Variants in DNAJC2 observed in about 807,000 individuals in gnomAD.
DNAJC2 encodes the protein DnaJ heat shock protein family (Hsp40) member C2, also known as dnaJ homolog subfamily C member 2.
DNAJC2 carries 32 observed loss-of-function variants against 94.0 expected under a neutral mutation model. That is an observed-to-expected ratio of 0.34 (90% CI 0.26 to 0.46). The LOEUF (loss-of-function observed/expected upper bound fraction) is 0.46. Ranked by LOEUF, DNAJC2 falls within the 20% of genes least tolerant of loss-of-function variation. DNAJC2 has a pLI of 1.00. For missense variants in DNAJC2, 550 were observed against 719.5 expected (o/e 0.76, Z 2.69); for synonymous variants, 210 against 229.7 (o/e 0.91, Z 0.77).
At chr7:103,339,936 T>A (rs1017689135) in intron 2 of DNAJC2, among the ~76,000 whole-genome samples, 13 of 152,182 alleles carry the variant, frequency 8.5e-5, no homozygotes, top group Admixed American at 3.9e-4. Context: ...CCTCCTGAGT[T>A]GAAGTGATTC....
intron 3 of DNAJC2, among the ~76,000 whole-genome samples, chr7:103,332,676 G>A (rs1231808967): frequency 1.3e-5 from 2 of 151,712 alleles, no homozygotes; most frequent in Non-Finnish European, 2.9e-5. Flanking sequence ...ATTGCTCAGG[G>A]TGGAGTGCAG....
intron 5 of DNAJC2, 145 bp from the exon 6 acceptor site, chr7:103,324,707 C>G: frequency 2.4e-6 from 2 of 828,904 alleles, no homozygotes. Context: ...GAAGATGGAG[C>G]TGGAAGGTCA....
At chr7:103,325,392 G>C (rs541898394) in intron 5 of DNAJC2, among the ~76,000 whole-genome samples, 1 of 151,862 alleles carries the variant, frequency 6.6e-6, no homozygotes, top group Admixed American at 6.6e-5. Flanking sequence ...AGCCGAGATT[G>C]TGCCACTGCA....
intron 1 of DNAJC2, among the ~76,000 whole-genome samples, 162 bp from the exon 2 acceptor site, chr7:103,342,116 G>A (rs539908455): frequency 1.3e-5 from 2 of 152,248 alleles, no homozygotes; most frequent in African/African-American, 4.8e-5. Context: ...GTTTACATGA[G>A]GGTTAGCAAG....
chr7:103,328,974 G>C, intron 3 of DNAJC2: 2 of 1,274,740 alleles, frequency 1.6e-6, no homozygotes, highest in Non-Finnish European at 2.0e-6. Flanking sequence ...AATGGAACAA[G>C]TTATTTTCCA....
chr7:103,330,292 A>T (rs544962389), intron 3 of DNAJC2, among the ~76,000 whole-genome samples: 10 of 148,010 alleles, frequency 6.8e-5, no homozygotes, highest in Admixed American at 4.1e-4. Flanking sequence ...TTGTTATTTT[A>T]TTTTTTTTTT....
chr7:103,315,761 T>C lies in DNAJC2; in HGVS notation c.1636+3A>G. ...TTTCTACGTTTAGAAAAGCAAAATT[T>C]ACCTTCAAATCGTTCTGAAGGCGTT... On this transcript the variant is annotated splice_donor_region_variant and intron_variant, in intron 15 of 16. Coordinates refer to ENST00000379263, the MANE Select transcript of DNAJC2 (RefSeq NM_014377.3). The C allele has an allele frequency of 6.2e-7, 1 of 1,610,986 alleles. No homozygotes were observed.
In DNAJC2 at chr7:103,322,703, C is replaced by G; in HGVS notation, c.811G>C (p.Asp271His). ...EEMNRIRTLV[D>H]NAYSCDPRIK... The stretch of plus-strand genomic sequence containing the variant: ...GGGGACTTAAATCAATTCTACTTAC[C>G]AACTAATGTTCTTATTCTGTTCATT... Residue 271 changes from aspartate to histidine, a missense_variant and splice_region_variant, in exon 8 of 17, where the codon GAC becomes CAC. Physicochemically the swap from Asp to His is moderately conservative, Grantham distance 81 (BLOSUM62 -1). Around this residue, in one of 2 missense-constraint regions of DNAJC2, gnomAD observed 279 missense variants for 416.9 expected, o/e 0.67. Transcript: ENST00000379263. 5 of 1,612,484 alleles carry G rather than the reference C, an allele frequency of 3.1e-6. No individual in the cohort carries two copies. The highest frequency in any genetic ancestry group is 4.2e-6 in the Non-Finnish European group (5 of 1,179,682).
At chr7:103,316,332 A>G in intron 13 of DNAJC2, 2 of 322,150 alleles carry the variant, frequency 6.2e-6, no homozygotes, top group Non-Finnish European at 5.6e-6. Context: ...TGGTGTACAA[A>G]TCAACATAAA....
chr7:103,319,730 C>T (rs753697535), intron 11 of DNAJC2, 26 bp downstream of exon 11: 1 of 1,614,064 alleles, frequency 6.2e-7, no homozygotes, highest in Non-Finnish European at 8.5e-7. Context: ...CAAGTGAAGA[C>T]TTCAATAGCA....
chr7:103,322,484 G>T, intron 9 of DNAJC2, 27 bp downstream of exon 9: 1 of 1,424,260 alleles, frequency 7.0e-7, no homozygotes, highest in South Asian at 1.3e-5. Context: ...AACATTTAAA[G>T]TCCACCTTCA....
At chr7:103,342,712 G>A (rs1819427602) in intron 1 of DNAJC2, among the ~76,000 whole-genome samples, 1 of 151,282 alleles carries the variant, frequency 6.6e-6, no homozygotes, top group African/African-American at 2.4e-5. Flanking sequence ...GGGTTCAAGC[G>A]ATTCTCCTGC....
At chr7:103,327,330 A>G in intron 4 of DNAJC2, 1 of 1,282,078 alleles carries the variant, frequency 7.8e-7, no homozygotes, top group Non-Finnish European at 1.0e-6. Context: ...TAGAACACTT[A>G]CATGAATTAA....
intron 1 of DNAJC2, chr7:103,344,244 G>T: frequency 2.5e-6 from 1 of 393,358 alleles, no homozygotes; most frequent in Non-Finnish European, 4.6e-6. Flanking sequence ...CCGTAGGCAA[G>T]GAGATGCTTA....
At chr7:103,317,959 CTTAAA>C (rs1818162769) in intron 12 of DNAJC2, among the ~76,000 whole-genome samples, 1 of 3,634 alleles carries the variant, frequency 2.8e-4, no homozygotes, top group South Asian at 2.8e-3. Flanking sequence ...AGTGCAGATT[CTTAAA>C]TAAATAAGAT....
chr7:103,344,500 G>T (rs996886798), intron 1 of DNAJC2, 59 bp downstream of exon 1: 2 of 1,593,330 alleles, frequency 1.3e-6, no homozygotes, highest in African/African-American at 1.3e-5. Flanking sequence ...TTGCCGAGGC[G>T]GAGGACTGAG....
rs73175839 is a variant in DNAJC2, at chr7:103,324,835, A to G, written c.573-273T>C. 8.8e-3 allele frequency: 1,826 copies of G among 208,464 alleles called. 10 individuals are homozygous for G. The highest frequency in any genetic ancestry group is 0.013 in the Non-Finnish European group (1,326 of 105,828). 12.9% of individuals were successfully genotyped at this position (208,464 alleles called of 1,614,324 possible). On this transcript the variant is annotated intron_variant, in intron 5 of 16. Transcript: ENST00000379263. ...CAGGTTATCTTCAGTTCTATAAAAT[A>G]CAATGCCATAGCAGCTGCTAGGCAG...
intron 10 of DNAJC2, among the ~76,000 whole-genome samples, chr7:103,321,416 G>C (rs775771293): frequency 6.6e-6 from 1 of 151,988 alleles, no homozygotes; most frequent in African/African-American, 2.4e-5. Context: ...TACTCAGGAG[G>C]CTGAGGCAGG....
At chr7:103,324,044 C>G (rs1376744902) in intron 6 of DNAJC2, among the ~76,000 whole-genome samples, 1 of 152,078 alleles carries the variant, frequency 6.6e-6, no homozygotes, top group African/African-American at 2.4e-5. Context: ...AGAACTAAAT[C>G]TTGTTATTTT....
Sources: gnomAD v4.1 joint callset for allele counts (sites outside exome capture counted in the v4.1 genomes callset) on GRCh38, gnomAD v4.1.1 for gene constraint, gnomAD v4.1.1 regional missense constraint, MANE v1.5 for transcripts, NCBI Gene and HGNC (gene_info 2026-07-23, HGNC 2026-07-21) for gene names.